The following MOB3B variants were observed in gnomAD, a reference collection of about 807,000 sequenced individuals.
The protein encoded by MOB3B is MOB kinase activator-like 2B.
In MOB3B, 7 loss-of-function variants were observed where a neutral mutation model predicts 18.7. That is an observed-to-expected ratio of 0.37 (90% confidence interval 0.21 to 0.70). The LOEUF (loss-of-function observed/expected upper bound fraction) is 0.70. MOB3B is among the 30% of genes least tolerant of loss of function. The probability of loss-of-function intolerance (pLI) is 0.52; values close to 1 mark genes in which losing one functional copy is unlikely to be tolerated. For synonymous variants in MOB3B, 111 were observed against 99.9 expected (o/e 1.11, Z -0.66); for missense variants, 253 against 281.3 (o/e 0.90, Z 0.72).
intron 3 of MOB3B, among the ~76,000 whole-genome samples, chr9:27,337,243 A>G (rs1820877553): frequency 6.6e-6 from 1 of 152,234 alleles, no homozygotes; most frequent in South Asian, 2.1e-4. Flanking sequence ...GGTCAGAAAG[A>G]GGGCTTTCTG....
At chr9:27,481,449 G>C (rs1819647814) in intron 1 of MOB3B, among the ~76,000 whole-genome samples, 1 of 151,650 alleles carries the variant, frequency 6.6e-6, no homozygotes, top group Non-Finnish European at 1.5e-5. Context: ...ATAGAGTGTG[G>C]TGGCGCCTGG....
chr9:27,330,485 T>C lies in MOB3B; in HGVS notation c.*102A>G. ...TGCTTGCCTCCACCTCTGCTGTTCC[T>C]GGGAGTAGGTGTGTCATTTCAGCCA... On this transcript the variant is annotated 3_prime_UTR_variant, in exon 4 of 4. Transcript: ENST00000262244. The C allele has an allele frequency of 6.7e-7, 1 of 1,503,650 alleles. No homozygotes were observed. Among genetic ancestry groups the C allele is most frequent in the Non-Finnish European group, 9.1e-7 (1 of 1,101,024 alleles). 93.1% of individuals were successfully genotyped at this position (1,503,650 alleles called of 1,614,324 possible). A position where few individuals can be genotyped will look rare whatever the true frequency, so the allele number is the denominator to read the frequency against.
intron 2 of MOB3B, among the ~76,000 whole-genome samples, chr9:27,415,613 A>G (rs1458415550): frequency 6.6e-6 from 1 of 152,354 alleles, no homozygotes. Context: ...CTTACATTTT[A>G]TATCAGTGTA....
chr9:27,388,161 T>C (rs1821672578), intron 2 of MOB3B, among the ~76,000 whole-genome samples: 1 of 152,210 alleles, frequency 6.6e-6, no homozygotes, highest in Non-Finnish European at 1.5e-5. Context: ...AAAAACCTTG[T>C]TTCCAAAGGA....
chr9:27,362,731 A>G (rs1821291108), intron 2 of MOB3B, among the ~76,000 whole-genome samples: 1 of 152,214 alleles, frequency 6.6e-6, no homozygotes, highest in Non-Finnish European at 1.5e-5. Context: ...TGCTGAGTCA[A>G]AGACAAAATC....
At chr9:27,524,985 C>T (rs1441918277) in intron 1 of MOB3B, 7 of 1,523,566 alleles carry the variant, frequency 4.6e-6, no homozygotes, top group Non-Finnish European at 5.3e-6. Flanking sequence ...ATTAAAATTC[C>T]TTTTCCCTCC....
intron 3 of MOB3B, among the ~76,000 whole-genome samples, chr9:27,344,106 G>GA (rs11333928): frequency 3.1e-4 from 45 of 145,406 alleles, no homozygotes; most frequent in Middle Eastern, 3.6e-3. Flanking sequence ...ATTTAGAAAG[G>GA]AAAAAAAAAA....
chr9:27,473,120 C>A (rs1250312463), intron 1 of MOB3B, among the ~76,000 whole-genome samples: 1 of 152,178 alleles, frequency 6.6e-6, no homozygotes, highest in Non-Finnish European at 1.5e-5. Flanking sequence ...TAGAAAAAGA[C>A]AAAAACTGAC....
At chr9:27,335,124 T>C (rs566808614) in intron 3 of MOB3B, among the ~76,000 whole-genome samples, 1 of 152,346 alleles carries the variant, frequency 6.6e-6, no homozygotes, top group East Asian at 1.9e-4. Flanking sequence ...AATTTTCATA[T>C]GGAACATATG....
chr9:27,461,470 A>G (rs1285693405), intron 1 of MOB3B, among the ~76,000 whole-genome samples: 2 of 152,188 alleles, frequency 1.3e-5, no homozygotes, highest in Non-Finnish European at 2.9e-5. Flanking sequence ...CTGTCATATC[A>G]CTGCATTTTG....
At chr9:27,460,345 A>G (rs1390058112) in intron 1 of MOB3B, among the ~76,000 whole-genome samples, 2 of 152,224 alleles carry the variant, frequency 1.3e-5, no homozygotes, top group Non-Finnish European at 2.9e-5. Context: ...TAGATCAATT[A>G]TAACAATAAA....
chr9:27,460,460 T>G (rs1587232224), intron 1 of MOB3B, among the ~76,000 whole-genome samples: 1 of 152,236 alleles, frequency 6.6e-6, no homozygotes, highest in African/African-American at 2.4e-5. Flanking sequence ...TAATTTTTCT[T>G]TTCCTATTGA....
chr9:27,378,008 A>T (rs1411131434), intron 2 of MOB3B, among the ~76,000 whole-genome samples: 2 of 152,242 alleles, frequency 1.3e-5, no homozygotes, highest in Non-Finnish European at 2.9e-5. Context: ...GCCAACACAC[A>T]TCAATCACTT....
At chr9:27,386,233 G>T (rs1375231744) in intron 2 of MOB3B, among the ~76,000 whole-genome samples, 1 of 152,218 alleles carries the variant, frequency 6.6e-6, no homozygotes, top group Admixed American at 6.5e-5. Context: ...GTGTAAATCA[G>T]GGGACAGTGA....
intron 2 of MOB3B, among the ~76,000 whole-genome samples, chr9:27,436,719 T>C (rs1224638189): frequency 2.0e-5 from 3 of 152,178 alleles, no homozygotes; most frequent in African/African-American, 7.2e-5. Context: ...TCTGTTATGA[T>C]TAATATAAAT....
intron 3 of MOB3B, among the ~76,000 whole-genome samples, chr9:27,331,790 C>T (rs1316617226): frequency 6.6e-6 from 1 of 152,126 alleles, no homozygotes; most frequent in African/African-American, 2.4e-5. Flanking sequence ...TGCATACTGA[C>T]CTGGACTGCC....
chr9:27,451,157 C>A (rs1822777122), intron 2 of MOB3B, among the ~76,000 whole-genome samples: 1 of 152,108 alleles, frequency 6.6e-6, no homozygotes, highest in Non-Finnish European at 1.5e-5. Flanking sequence ...AACAGGGAAG[C>A]TGGGGGATGG....
intron 1 of MOB3B, chr9:27,524,913 T>G (rs564573513): frequency 2.5e-6 from 4 of 1,609,522 alleles, no homozygotes; most frequent in Non-Finnish European, 3.4e-6. Context: ...AATCAGAAGA[T>G]GTTTGTATTA....
intron 1 of MOB3B, among the ~76,000 whole-genome samples, chr9:27,506,116 C>T (rs933694791): frequency 8.5e-5 from 13 of 152,250 alleles, no homozygotes; most frequent in African/African-American, 1.9e-4. Flanking sequence ...AGCTCTGGAT[C>T]GCTACTGCAG....
Sources: gnomAD v4.1 joint callset for allele counts (sites outside exome capture counted in the v4.1 genomes callset) on GRCh38, gnomAD v4.1.1 for gene constraint, MANE v1.5 for transcripts, NCBI Gene and HGNC (gene_info 2026-07-23, HGNC 2026-07-21) for gene names.